NCALD: variants seen among roughly 807,000 people sequenced by gnomAD.
NCALD encodes the protein neurocalcin delta, also known as neurocalcin-delta.
A neutral mutation model predicts 18.6 loss-of-function variants in NCALD; 10 were observed. The ratio of observed to expected loss-of-function variants is 0.54; its 90% CI spans 0.33 to 0.91. The LOEUF (loss-of-function observed/expected upper bound fraction) is 0.91. Among genes scored for constraint, NCALD ranks in the 40% least tolerant of loss-of-function variants. The pLI is 0.03. For synonymous variants in NCALD, 88 were observed against 87.4 expected (o/e 1.01, Z -0.04); for missense variants, 184 against 247.6 (o/e 0.74, Z 1.72).
intron 4 of NCALD, chr8:101,872,520 C>A: frequency 1.4e-6 from 1 of 720,492 alleles, no homozygotes. Flanking sequence ...AGATGTCATT[C>A]CACTCAGTGT....
intron 2 of NCALD, among the ~76,000 whole-genome samples, chr8:101,956,376 A>G (rs1303615100): frequency 6.6e-6 from 1 of 152,166 alleles, no homozygotes; most frequent in African/African-American, 2.4e-5. Context: ...AGTTTACCCA[A>G]ACATAGCCGG....
At chr8:101,989,757 C>A (rs1324935168) in intron 2 of NCALD, among the ~76,000 whole-genome samples, 1 of 152,212 alleles carries the variant, frequency 6.6e-6, no homozygotes, top group Non-Finnish European at 1.5e-5. Context: ...GACTAACCCT[C>A]ATCTGATTAG....
At chr8:101,924,200 A>T (rs528705744) in intron 2 of NCALD, among the ~76,000 whole-genome samples, 18 of 152,188 alleles carry the variant, frequency 1.2e-4, no homozygotes, top group Non-Finnish European at 2.4e-4. Flanking sequence ...AAAAGTTTTA[A>T]TATTATATAA....
chr8:101,999,884 A>C (rs948416713), intron 2 of NCALD, among the ~76,000 whole-genome samples: 12 of 152,160 alleles, frequency 7.9e-5, no homozygotes, highest in African/African-American at 2.9e-4. Context: ...CTCTCCTTTC[A>C]AAAACTGGAG....
At chr8:101,906,005 A>G (rs1295375348) in intron 3 of NCALD, among the ~76,000 whole-genome samples, 1 of 152,232 alleles carries the variant, frequency 6.6e-6, no homozygotes, top group Non-Finnish European at 1.5e-5. Context: ...TGAATCATTT[A>G]TGTGATTCAT....
At chr8:101,923,592 A>G (rs188464126) in intron 2 of NCALD, among the ~76,000 whole-genome samples, 94 of 152,344 alleles carry the variant, frequency 6.2e-4, no homozygotes, top group African/African-American at 2.1e-3. Context: ...AAAACAAATA[A>G]ATGTAGCTGG....
chr8:102,001,814 AC>A (rs1821483720), intron 2 of NCALD, among the ~76,000 whole-genome samples: 1 of 152,234 alleles, frequency 6.6e-6, no homozygotes, highest in Non-Finnish European at 1.5e-5. Context: ...TACTTTACAG[AC>A]AAGCAAATGC....
chr8:101,936,699 C>T (rs761980308), intron 2 of NCALD, among the ~76,000 whole-genome samples: 11 of 152,034 alleles, frequency 7.2e-5, no homozygotes, highest in Non-Finnish European at 1.3e-4. Context: ...TTTTTATTTG[C>T]TTGTTTGTTT....
At chr8:101,759,881 A>T (rs1288366386) in intron 1 of NCALD, among the ~76,000 whole-genome samples, 1 of 152,176 alleles carries the variant, frequency 6.6e-6, no homozygotes, top group Non-Finnish European at 1.5e-5. Context: ...GTAGAGGGAG[A>T]GACTGGGCTG....
chr8:101,898,643 T>C (rs1197864114), intron 3 of NCALD, among the ~76,000 whole-genome samples: 1 of 152,158 alleles, frequency 6.6e-6, no homozygotes, highest in Non-Finnish European at 1.5e-5. Flanking sequence ...TTTCTAGTTT[T>C]ATGTTTTATT....
At chr8:101,967,539 T>C (rs1489859925) in intron 2 of NCALD, among the ~76,000 whole-genome samples, 1 of 151,998 alleles carries the variant, frequency 6.6e-6, no homozygotes, top group East Asian at 1.9e-4. Flanking sequence ...AGGTAGAAAG[T>C]CGAATCAATT....
At chr8:101,758,299 C>T (rs1025120073) in intron 1 of NCALD, among the ~76,000 whole-genome samples, 1 of 152,190 alleles carries the variant, frequency 6.6e-6, no homozygotes, top group Admixed American at 6.5e-5. Flanking sequence ...TTAGCAGGCC[C>T]CAGCTCTCCC....
intron 1 of NCALD, among the ~76,000 whole-genome samples, chr8:102,089,829 T>A (rs898055767): frequency 1.3e-5 from 2 of 152,248 alleles, no homozygotes; most frequent in Non-Finnish European, 1.5e-5. Context: ...GTGTGTGAAC[T>A]AAATTCTGTG....
chr8:101,940,832 A>G (rs1818928892), intron 2 of NCALD, among the ~76,000 whole-genome samples: 1 of 152,260 alleles, frequency 6.6e-6, no homozygotes, highest in African/African-American at 2.4e-5. Flanking sequence ...CACACAGAAC[A>G]GCTAAATCTG....
At chr8:101,966,397 C>T (rs1820032297) in intron 2 of NCALD, among the ~76,000 whole-genome samples, 2 of 149,520 alleles carry the variant, frequency 1.3e-5, no homozygotes, top group African/African-American at 4.9e-5. Flanking sequence ...AAACCAAACA[C>T]CACATGTTCT....
intron 2 of NCALD, among the ~76,000 whole-genome samples, chr8:101,706,496 T>C (rs77013057): frequency 0.026 from 3,934 of 152,288 alleles, 133 homozygotes; most frequent in African/African-American, 0.078. Flanking sequence ...ATATGGTTGT[T>C]GTGAGGATTA....
At chr8:101,947,177 C>T (rs758300800) in intron 2 of NCALD, among the ~76,000 whole-genome samples, 2 of 152,134 alleles carry the variant, frequency 1.3e-5, no homozygotes, top group African/African-American at 2.4e-5. Context: ...CCAGTCAAAA[C>T]AAAAGTAGAC....
intron 1 of NCALD, among the ~76,000 whole-genome samples, chr8:101,762,770 C>T (rs573996031): frequency 3.3e-5 from 5 of 152,072 alleles, no homozygotes; most frequent in South Asian, 2.1e-4. Context: ...GATGGGGTTT[C>T]GCCATGTTGA....
chr8:101,689,074 CAA>C lies in NCALD; in HGVS notation c.*233_*234del. The C allele has an allele frequency of 1.4e-6, 1 of 702,890 alleles. No homozygotes were observed. The highest frequency in any genetic ancestry group is 2.0e-5 in the Admixed American group (1 of 49,932). 43.5% of individuals were successfully genotyped at this position (702,890 alleles called of 1,614,324 possible). On this transcript the variant is annotated 3_prime_UTR_variant, in exon 4 of 4. Coordinates refer to ENST00000220931, the MANE Select transcript of NCALD (RefSeq NM_032041.3). This position sits in a 1 kb window ranked among gnomAD's most constrained non-coding sequence, Gnocchi z 4.4. ...ATAGTAACGATTAAAAATCATCAAA[CAA>C]TGAACACCACGAAGTCTGTCCATGC...
Sources: gnomAD v4.1 joint callset for allele counts (sites outside exome capture counted in the v4.1 genomes callset) on GRCh38, gnomAD v4.1.1 for gene constraint, Gnocchi (gnomAD v3.1) non-coding constraint, MANE v1.5 for transcripts, NCBI Gene and HGNC (gene_info 2026-07-23, HGNC 2026-07-21) for gene names.